Variants in OR6C75 observed in about 807,000 individuals in gnomAD.
OR6C75 encodes the protein olfactory receptor 6C75.
For missense variants in OR6C75, 380 were observed against 368.0 expected (o/e 1.03, Z -0.27); for synonymous variants, 149 against 130.6 (o/e 1.14, Z -0.96).
At chr12:55,364,285 A>C (rs1592275794) in intron 2 of OR6C75, among the ~76,000 whole-genome samples, 1 of 75,084 alleles carries the variant, frequency 1.3e-5, no homozygotes, top group Non-Finnish European at 3.1e-5. Flanking sequence ...GCCTAAAGTT[A>C]ATTTTTTTTA....
chr12:55,369,073 G>T lies in OR6C75; in HGVS notation c.*3024G>T. On this transcript the variant is annotated 3_prime_UTR_variant, in exon 3 of 3. Transcript: ENST00000641576. ...AGGAGTGTGGAAACAACATGCAAAC[G>T]TTAACTAAGTGAAGATAAAGTATAT... is the stretch of plus-strand genomic sequence containing the variant. 6.6e-6 allele frequency: 1 copy of T among 151,656 alleles called. No homozygotes were observed. The highest frequency in any genetic ancestry group is 2.1e-4 in the South Asian group (1 of 4,814). The allele number at this position is 151,656 out of a possible 1,614,324, so 9.4% of individuals were successfully genotyped here.
In OR6C75 at chr12:55,365,354, A is replaced by C. The variant is rs200519570; in HGVS notation, c.244A>C (p.Thr82Pro). Residue 82 changes from threonine to proline, a missense_variant, in exon 3 of 3, where the codon ACT (threonine) becomes CCT (proline). Transcript: ENST00000641576. ...TSVCIPRFLV[T>P]VVTGNRTISY... ...TGTCTGCATTCCCAGATTCCTTGTC[A>C]CTGTTGTGACAGGAAACAGAACCAT... 55 of 1,613,618 alleles carry C rather than the reference A, an allele frequency of 3.4e-5. No individual in the cohort carries two copies. In the East Asian group the frequency reaches 1.1e-3, roughly 33 times the overall value.
chr12:55,363,879 T>C lies in OR6C75; in HGVS notation c.-239T>C, dbSNP rs1446107516. On this transcript the variant is annotated 5_prime_UTR_variant, in exon 2 of 3. Transcript: ENST00000641576. ...AGGAAATACAGAAATAATTGATTTA[T>C]AAGGTAACAACAGAATTTTTAAAAT... The C allele has an allele frequency of 6.6e-6, 1 of 151,684 alleles. No homozygotes were observed. The highest frequency in any genetic ancestry group is 1.5e-5 in the Non-Finnish European group (1 of 67,948). The allele number at this position is 151,684 out of a possible 1,614,324, so 9.4% of individuals were successfully genotyped here. A position where few individuals can be genotyped will look rare whatever the true frequency, so the allele number is the denominator to read the frequency against.
At chr12:55,364,342 T>TTTTTTTTTTTTGG (rs1869741119) in intron 2 of OR6C75, among the ~76,000 whole-genome samples, 1 of 115,304 alleles carries the variant, frequency 8.7e-6, no homozygotes, top group African/African-American at 3.7e-5. Flanking sequence ...TTTTTTTTTT[T>TTTTTTTTTTTTGG]GACACGGAAT....
intron 1 of OR6C75, among the ~76,000 whole-genome samples, chr12:55,363,460 T>C (rs2120540766): frequency 1.3e-5 from 2 of 152,182 alleles, no homozygotes; most frequent in South Asian, 4.1e-4. Flanking sequence ...GTAAAGAATA[T>C]GATATCTTCT....
In OR6C75 at chr12:55,365,379, T is replaced by A. The variant is rs746441305; in HGVS notation, c.269T>A (p.Ile90Asn). The change falls in exon 3 of 3, where the codon ATT becomes AAT. Residue 90 changes from isoleucine to asparagine, a missense_variant. Physicochemically the swap from Ile to Asn is moderately radical, Grantham distance 149. Coordinates refer to ENST00000641576, the MANE Select transcript of OR6C75 (RefSeq NM_001005497.2). ...LVTVVTGNRT[I>N]SYNGCVAQLF... is the part of the protein sequence containing the mutation. ...ACTGTTGTGACAGGAAACAGAACCA[T>A]TTCTTATAATGGGTGTGTGGCTCAG... 1 of 1,614,160 alleles carries A rather than the reference T, an allele frequency of 6.2e-7. No individual in the cohort carries two copies. Among genetic ancestry groups the A allele is most frequent in the Non-Finnish European group, 8.5e-7 (1 of 1,180,008 alleles).
In OR6C75 at chr12:55,365,768, A is replaced by C. The variant is rs1869786135; in HGVS notation, c.658A>C (p.Ile220Leu). 6.2e-7 allele frequency: 1 copy of C among 1,613,962 alleles called. No individual in the cohort carries two copies. Among genetic ancestry groups the C allele is most frequent in the East Asian group, 2.2e-5 (1 of 44,874 alleles). Residue 220 changes from isoleucine to leucine, a missense_variant, in exon 3 of 3, where the codon ATC (isoleucine) becomes CTC (leucine). Ile to Leu is a conservative substitution (Grantham distance 5, BLOSUM62 2). Coordinates refer to ENST00000641576, the MANE Select transcript of OR6C75 (RefSeq NM_001005497.2). Reference protein sequence around the residue: ...TLVILSYTNIIRTILKIPSMS... With the variant: ...TLVILSYTNILRTILKIPSMS... ...AGTTATTCTCTCCTACACAAACATC[A>C]TCCGGACAATTCTGAAAATTCCTTC... is the stretch of plus-strand genomic sequence containing the variant.
chr12:55,363,912 G>T (rs11171432), intron 2 of OR6C75, 30 bp downstream of exon 2: 1 of 150,900 alleles, frequency 6.6e-6, no homozygotes, highest in South Asian at 2.1e-4. Flanking sequence ...AATGTATTTG[G>T]TATCTATGTA....
chr12:55,366,143 C>A lies in OR6C75; in HGVS notation c.*94C>A. On this transcript the variant is annotated 3_prime_UTR_variant, in exon 3 of 3. Coordinates refer to ENST00000641576, the MANE Select transcript of OR6C75 (RefSeq NM_001005497.2). Reference sequence around the variant, plus strand: ...TGAACTCTTTCTAAACACCTTATTTCACACTTTTAGTTAGACATAGTTACA... The same window carrying A: ...TGAACTCTTTCTAAACACCTTATTTAACACTTTTAGTTAGACATAGTTACA... 1.4e-6 allele frequency: 1 copy of A among 718,474 alleles called. No homozygotes were observed. The highest frequency in any genetic ancestry group is 2.2e-6 in the Non-Finnish European group (1 of 446,684). The allele number at this position is 718,474 out of a possible 1,614,324, so 44.5% of individuals were successfully genotyped here.
In OR6C75 at chr12:55,368,051, C is replaced by T. The variant is rs1265932506; in HGVS notation, c.*2002C>T. On this transcript the variant is annotated 3_prime_UTR_variant, in exon 3 of 3. Transcript: ENST00000641576. The stretch of plus-strand genomic sequence containing the variant: ...AATTAGCTAAGCATGGTAGCATACA[C>T]CTGTGGTCCCAGCTACTCAAGAAGA... 3 of 152,208 alleles carry T rather than the reference C, an allele frequency of 2.0e-5. No homozygotes were observed. The highest frequency in any genetic ancestry group is 7.2e-5 in the African/African-American group (3 of 41,404). The allele number at this position is 152,208 out of a possible 1,614,324, so 9.4% of individuals were successfully genotyped here. A position where few individuals can be genotyped will look rare whatever the true frequency, so the allele number is the denominator to read the frequency against.
At chr12:55,364,850 T>C (rs1244756592) in intron 2 of OR6C75, 26 bp from the exon 3 acceptor site, 3 of 351,604 alleles carry the variant, frequency 8.5e-6, no homozygotes, top group Non-Finnish European at 1.0e-5. Flanking sequence ...TTGAAGATAT[T>C]GAATATATAT....
rs1869775884 is a variant in OR6C75, at chr12:55,365,485, CA to C, written c.378del (p.Lys126AsnfsTer9). On this transcript the variant is annotated frameshift_variant, in exon 3 of 3. Coordinates refer to ENST00000641576, the MANE Select transcript of OR6C75 (RefSeq NM_001005497.2). LOFTEE classifies it low-confidence loss of function (END_TRUNC). ...CCTATGACCGCTGCATGGCCATCTGCAAACCTCTTCATTACACAATCATCAT... is the reference window on the plus strand; with the variant it reads ...CCTATGACCGCTGCATGGCCATCTGCAACCTCTTCATTACACAATCATCAT... ...MSYDRCMAIC[K>X]PLHYTIIMST... 2.5e-6 allele frequency: 4 copies of C among 1,613,956 alleles called. No individual in the cohort carries two copies. Among genetic ancestry groups the C allele is most frequent in the Non-Finnish European group, 3.4e-6 (4 of 1,180,008 alleles).
intron 2 of OR6C75, 35 bp from the exon 3 acceptor site, chr12:55,364,841 T>C (rs1592276003): frequency 9.1e-6 from 3 of 330,662 alleles, no homozygotes; most frequent in Non-Finnish European, 1.6e-5. Flanking sequence ...TTAAACCCTT[T>C]GAAGATATTG....
intron 2 of OR6C75, among the ~76,000 whole-genome samples, chr12:55,364,479 C>T (rs1490142010): frequency 6.6e-6 from 1 of 150,956 alleles, no homozygotes; most frequent in Non-Finnish European, 1.5e-5. Flanking sequence ...GCCCCTGCCA[C>T]CACACCCCGC....
intron 2 of OR6C75, among the ~76,000 whole-genome samples, chr12:55,364,140 G>C (rs948098176): frequency 6.7e-6 from 1 of 148,790 alleles, no homozygotes; most frequent in Non-Finnish European, 1.5e-5. Flanking sequence ...CACCATGCCC[G>C]GCTAATTTTT....
Position 55,365,665 on chromosome 12 carries a change from C to G in OR6C75, c.555C>G (p.Leu185=), listed in dbSNP as rs1209875009. The stretch of plus-strand genomic sequence containing the variant: ...GTGACTCTTCTCCAATGCTGCAGCT[C>G]TCTTGCACAAACACTCACTTTCTAG... ...FICDSSPMLQ[L]SCTNTHFLEL... is the part of the protein sequence containing the mutation. Residue 185 remains leucine, a synonymous_variant, in exon 3 of 3, where the codon CTC becomes CTG. Coordinates refer to ENST00000641576, the MANE Select transcript of OR6C75 (RefSeq NM_001005497.2). 6.2e-7 allele frequency: 1 copy of G among 1,614,080 alleles called. No homozygotes were observed. The highest frequency in any genetic ancestry group is 8.5e-7 in the Non-Finnish European group (1 of 1,180,002).
In OR6C75 at chr12:55,369,113, ACAT is replaced by A. The variant is rs539941046; in HGVS notation, c.*3065_*3067del. ...ATAAAGTATATATACATATACAACT[ACAT>A]GATAGATAGATAGATAAAGAGAGAT... On this transcript the variant is annotated 3_prime_UTR_variant, in exon 3 of 3. Coordinates refer to ENST00000641576, the MANE Select transcript of OR6C75 (RefSeq NM_001005497.2). 1.8e-3 allele frequency: 130 copies of A among 73,456 alleles called. No individual in the cohort carries two copies. The highest frequency in any genetic ancestry group is 4.9e-3 in the African/African-American group (126 of 25,592). The allele number at this position is 73,456 out of a possible 1,614,324, so 4.6% of individuals were successfully genotyped here. A position where few individuals can be genotyped will look rare whatever the true frequency, so the allele number is the denominator to read the frequency against.
chr12:55,366,271 G>T lies in OR6C75; in HGVS notation c.*222G>T. 2.6e-6 allele frequency: 1 copy of T among 383,546 alleles called. No individual in the cohort carries two copies. Among genetic ancestry groups the T allele is most frequent in the Non-Finnish European group, 4.7e-6 (1 of 214,396 alleles). 23.8% of individuals were successfully genotyped at this position (383,546 alleles called of 1,614,324 possible). On this transcript the variant is annotated 3_prime_UTR_variant, in exon 3 of 3. Transcript: ENST00000641576. The stretch of plus-strand genomic sequence containing the variant: ...CTCTCACCTATGTAACTAAATTTTA[G>T]GTAAATTAATAATTACTATGGTTTA...
chr12:55,367,527 G>C lies in OR6C75; in HGVS notation c.*1478G>C, dbSNP rs1428607357. 6.6e-6 allele frequency: 1 copy of C among 152,038 alleles called. No individual in the cohort carries two copies. The highest frequency in any genetic ancestry group is 1.5e-5 in the Non-Finnish European group (1 of 68,010). The allele number at this position is 152,038 out of a possible 1,614,324, so 9.4% of individuals were successfully genotyped here. A position where few individuals can be genotyped will look rare whatever the true frequency, so the allele number is the denominator to read the frequency against. ...AAAATAATAACAGCCATCTGTGACA[G>C]ACCCACAGCCAATATCATAATAAAC... On this transcript the variant is annotated 3_prime_UTR_variant, in exon 3 of 3. Transcript: ENST00000641576.
Sources: allele counts gnomAD v4.1 joint callset (sites outside exome capture counted in the v4.1 genomes callset), GRCh38; gene constraint gnomAD v4.1.1; transcripts MANE v1.5; gene names NCBI Gene and HGNC (gene_info 2026-07-23, HGNC 2026-07-21).